Variants in CADM2 observed in about 807,000 individuals in gnomAD.
The protein encoded by CADM2 is immunoglobulin superfamily member 4D.
CADM2 carries 12 observed loss-of-function variants against 49.8 expected under a neutral mutation model. The ratio of observed to expected loss-of-function variants is 0.24; its 90% confidence interval spans 0.15 to 0.39. The LOEUF is 0.39. Among genes scored for constraint, CADM2 ranks in the 10% least tolerant of loss-of-function variants. The probability of loss-of-function intolerance (pLI) is 1.00; values close to 1 mark genes in which losing one functional copy is unlikely to be tolerated. For missense variants in CADM2, 378 were observed against 492.3 expected, an observed-to-expected ratio of 0.77 and a Z score of 2.20; for synonymous variants, 214 against 175.4, an observed-to-expected ratio of 1.22 and a Z score of -1.74.
intron 1 of CADM2, among the ~76,000 whole-genome samples, chr3:85,644,987 TG>T (rs980140530): frequency 8.5e-5 from 13 of 152,114 alleles, no homozygotes; most frequent in Admixed American, 2.0e-4. Flanking sequence ...TAATGAAGTA[TG>T]TTTTTTTAAG....
chr3:85,770,020 A>G (rs1309944761), intron 2 of CADM2, among the ~76,000 whole-genome samples: 1 of 152,090 alleles, frequency 6.6e-6, no homozygotes, highest in Admixed American at 6.6e-5. Context: ...GCATTTCTTC[A>G]GCCTCTTTCA....
At chr3:85,380,746 T>A (rs1332597690) in intron 1 of CADM2, among the ~76,000 whole-genome samples, 2 of 151,930 alleles carry the variant, frequency 1.3e-5, no homozygotes, top group East Asian at 3.9e-4. Context: ...CTAAATATCC[T>A]CCATTTCCTA....
intron 1 of CADM2, among the ~76,000 whole-genome samples, chr3:85,630,137 T>G (rs1241711797): frequency 1.3e-5 from 2 of 152,050 alleles, no homozygotes; most frequent in East Asian, 3.9e-4. Flanking sequence ...TATAGGTATG[T>G]TGGCTGTGAG....
At chr3:85,586,751 G>C (rs972184923) in intron 1 of CADM2, among the ~76,000 whole-genome samples, 2 of 152,078 alleles carry the variant, frequency 1.3e-5, no homozygotes, top group African/African-American at 4.8e-5. Context: ...TCAATAAGTA[G>C]CATCTTGAAA....
At chr3:85,547,382 A>G (rs2061693987) in intron 1 of CADM2, among the ~76,000 whole-genome samples, 3 of 152,238 alleles carry the variant, frequency 2.0e-5, no homozygotes, top group African/African-American at 7.2e-5. Flanking sequence ...AATTATCCAA[A>G]TAATTAAATC....
At chr3:85,409,545 T>A (rs984674001) in intron 1 of CADM2, among the ~76,000 whole-genome samples, 1 of 152,084 alleles carries the variant, frequency 6.6e-6, no homozygotes, top group Non-Finnish European at 1.5e-5. Flanking sequence ...AATTTTATAT[T>A]GCCACAGATA....
intron 1 of CADM2, among the ~76,000 whole-genome samples, chr3:85,014,232 T>C (rs974676545): frequency 5.3e-5 from 8 of 150,090 alleles, no homozygotes; most frequent in Admixed American, 2.7e-4. Context: ...ATATACGCAG[T>C]GTAATAATAT....
chr3:85,185,093 T>G (rs1391058044), intron 1 of CADM2, among the ~76,000 whole-genome samples: 1 of 152,090 alleles, frequency 6.6e-6, no homozygotes, highest in Admixed American at 6.6e-5. Flanking sequence ...TTGACATTTC[T>G]GAGACAATAT....
intron 1 of CADM2, among the ~76,000 whole-genome samples, chr3:85,528,810 A>G (rs1331058792): frequency 6.6e-6 from 1 of 152,182 alleles, no homozygotes; most frequent in Admixed American, 6.5e-5. Flanking sequence ...AGTGTTGTTT[A>G]TTTCTTTCTT....
intron 2 of CADM2, among the ~76,000 whole-genome samples, chr3:85,757,025 C>T (rs995894393): frequency 2.0e-5 from 3 of 152,042 alleles, no homozygotes; most frequent in Non-Finnish European, 4.4e-5. Context: ...GCTCAGGAGA[C>T]GAAGTTTATC....
intron 3 of CADM2, among the ~76,000 whole-genome samples, chr3:85,861,509 T>C (rs1490720328): frequency 1.3e-5 from 2 of 152,080 alleles, no homozygotes; most frequent in African/African-American, 2.4e-5. Flanking sequence ...ACATGTTAAA[T>C]TGGAGATGAC....
At chr3:84,973,024 A>T (rs527363817) in intron 1 of CADM2, among the ~76,000 whole-genome samples, 111 of 152,130 alleles carry the variant, frequency 7.3e-4, no homozygotes, top group Non-Finnish European at 1.4e-3. Context: ...AAGCAATTCC[A>T]TGCCTTAGCC....
intron 1 of CADM2, among the ~76,000 whole-genome samples, chr3:85,160,906 A>G (rs896652253): frequency 2.6e-5 from 4 of 152,188 alleles, no homozygotes; most frequent in Non-Finnish European, 5.9e-5. Flanking sequence ...ATTTGTACCA[A>G]GTCTTTGACT....
At chr3:85,301,083 A>C (rs752992595) in intron 1 of CADM2, among the ~76,000 whole-genome samples, 5 of 152,062 alleles carry the variant, frequency 3.3e-5, no homozygotes, top group Non-Finnish European at 7.4e-5. Flanking sequence ...AAGCATCTAC[A>C]ATAAGATACA....
At chr3:85,116,772 G>A (rs931561070) in intron 1 of CADM2, among the ~76,000 whole-genome samples, 4 of 152,052 alleles carry the variant, frequency 2.6e-5, no homozygotes, top group African/African-American at 9.7e-5. Context: ...AGAGGAAGAA[G>A]TATATTTAAA....
chr3:85,696,893 T>A (rs1313243667), intron 1 of CADM2, among the ~76,000 whole-genome samples: 6 of 151,742 alleles, frequency 4.0e-5, no homozygotes, highest in African/African-American at 1.5e-4. Flanking sequence ...TGTCATCAAA[T>A]TCTAAAAACT....
chr3:85,718,912 ATTATTATTATT>A (rs1233575107), intron 1 of CADM2, among the ~76,000 whole-genome samples: 1 of 114,386 alleles, frequency 8.7e-6, no homozygotes, highest in East Asian at 2.5e-4. Context: ...TATTATTATT[ATTATTATTATT>A]ATTTTGAGAC....
chr3:85,751,812 A>G (rs2068872277), intron 2 of CADM2, among the ~76,000 whole-genome samples: 1 of 152,138 alleles, frequency 6.6e-6, no homozygotes, highest in Admixed American at 6.6e-5. Context: ...GTTTGCTTTT[A>G]TTTTATGTTT....
intron 1 of CADM2, among the ~76,000 whole-genome samples, chr3:85,237,504 A>G (rs1047993011): frequency 6.6e-6 from 1 of 151,500 alleles, no homozygotes; most frequent in Non-Finnish European, 1.5e-5. Context: ...CAAAAACTTG[A>G]TAAGTTTTTT....
Sources: allele counts gnomAD v4.1 joint callset (sites outside exome capture counted in the v4.1 genomes callset), GRCh38; gene constraint gnomAD v4.1.1; transcripts MANE v1.5; gene names NCBI Gene and HGNC (gene_info 2026-07-23, HGNC 2026-07-21).